The following NSUN7 variants were observed in gnomAD, a reference collection of about 807,000 sequenced individuals.
The protein encoded by NSUN7 is NOP2/Sun RNA methyltransferase family member 7, also known as protein NSUN7.
A neutral mutation model predicts 58.5 loss-of-function variants in NSUN7; 39 were observed. The ratio of observed to expected loss-of-function variants is 0.67; its 90% CI spans 0.52 to 0.87. NSUN7 has a LOEUF of 0.87. Among genes scored for constraint, NSUN7 ranks in the 40% least tolerant of loss-of-function variants. The pLI is 0.00. For missense variants in NSUN7, 765 were observed against 844.1 expected, an observed-to-expected ratio of 0.91 and a Z score of 1.16; for synonymous variants, 278 against 303.7, an observed-to-expected ratio of 0.92 and a Z score of 0.88.
intron 2 of NSUN7, among the ~76,000 whole-genome samples, chr4:40,755,657 C>T (rs1415017845): frequency 6.6e-6 from 1 of 152,070 alleles, no homozygotes; most frequent in Non-Finnish European, 1.5e-5. Context: ...ATAGCTTTTG[C>T]GAATTAGTAA....
intron 7 of NSUN7, among the ~76,000 whole-genome samples, chr4:40,782,096 G>A (rs1238138964): frequency 6.6e-6 from 1 of 152,052 alleles, no homozygotes; most frequent in African/African-American, 2.4e-5. Flanking sequence ...TAACAAATTA[G>A]TATATAGTAA....
At chr4:40,785,826 G>A (rs1323106483) in intron 7 of NSUN7, among the ~76,000 whole-genome samples, 2 of 152,244 alleles carry the variant, frequency 1.3e-5, no homozygotes, top group Admixed American at 6.5e-5. Flanking sequence ...TAGAGAAGAA[G>A]AAATAGTAAA....
intron 4 of NSUN7, among the ~76,000 whole-genome samples, chr4:40,764,058 A>AT (rs937089405): frequency 4.6e-5 from 7 of 151,134 alleles, no homozygotes; most frequent in African/African-American, 1.7e-4. Context: ...GTTTTTTTTA[A>AT]TTTTTTAATT....
At chr4:40,794,300 A>G in intron 8 of NSUN7, 75 bp from the exon 9 acceptor site, 1 of 678,392 alleles carries the variant, frequency 1.5e-6, no homozygotes, top group Admixed American at 3.3e-5. Flanking sequence ...ATGATTGAAA[A>G]ATTATATGAT....
At chr4:40,768,611 G>C (rs962654972) in intron 4 of NSUN7, among the ~76,000 whole-genome samples, 2 of 152,074 alleles carry the variant, frequency 1.3e-5, no homozygotes, top group Admixed American at 6.6e-5. Context: ...GGGAATCCTT[G>C]TGTTTTTTCA....
chr4:40,780,624 A>AT (rs1491469793), intron 7 of NSUN7, among the ~76,000 whole-genome samples: 1 of 151,414 alleles, frequency 6.6e-6, no homozygotes, highest in African/African-American at 2.4e-5. Flanking sequence ...GAAAAAAAAA[A>AT]GGAGAGAAAG....
In NSUN7 at chr4:40,750,760, A is replaced by G. The variant is rs769762488; in HGVS notation, c.67A>G (p.Thr23Ala). 4 of 1,613,860 alleles carry G rather than the reference A, an allele frequency of 2.5e-6. No individual in the cohort carries two copies. Among genetic ancestry groups the G allele is most frequent in the South Asian group, 1.1e-5 (1 of 91,064 alleles). ...AGATCCCGAGATCATCTCCCAACTC[A>G]CTTCCCTGCCTCTGTCCGGTGGGAA... is the stretch of plus-strand genomic sequence containing the variant. ...EEDPEIISQLTSLPLSGGKSS... is the reference protein window; with the variant it reads ...EEDPEIISQLASLPLSGGKSS... The change falls in exon 2 of 12, where the codon ACT (threonine) becomes GCT (alanine). Residue 23 changes from threonine to alanine, a missense_variant. Coordinates refer to ENST00000381782, the MANE Select transcript of NSUN7 (RefSeq NM_024677.6).
chr4:40,787,232 A>G, intron 7 of NSUN7, among the ~76,000 whole-genome samples: 1 of 152,056 alleles, frequency 6.6e-6, no homozygotes, highest in Non-Finnish European at 1.5e-5. Context: ...ACCTTTGTTC[A>G]TGTGTTTATC....
Position 40,757,486 on chromosome 4 carries a change from A to G in NSUN7, c.299-2948A>G, listed in dbSNP as rs566488316. ...CCATGGTAAGGCAAGGAGCATCTGT[A>G]TAAAGTATACAGTTATTCATGTTGA... On this transcript the variant is annotated intron_variant, in intron 2 of 11. Transcript: ENST00000381782. 2.7e-5 allele frequency among the ~76,000 whole-genome samples: 4 copies of G among 150,114 alleles called. No individual in the cohort carries two copies. The South Asian group carries it at 8.4e-4, about 31-fold the overall frequency.
Position 40,808,628 on chromosome 4 carries a change from C to A in NSUN7, c.1846C>A (p.Pro616Thr), listed in dbSNP as rs1401935111. ...CAAGCTGGCCCCCCATCCTGCAGTG[C>A]CTGCATTTGTGAAGAACACTTGTCC... ...PNKLAPHPAV[P>T]AFVKNTCPSR... The change falls in exon 12 of 12, where the codon CCT becomes ACT. Residue 616 changes from proline (P) to threonine (T), a missense_variant. By Grantham distance (38) the Pro-to-Thr change is conservative. Coordinates refer to ENST00000381782, the MANE Select transcript of NSUN7 (RefSeq NM_024677.6). 12 of 1,551,706 alleles carry A rather than the reference C, an allele frequency of 7.7e-6. No homozygotes were observed. The East Asian group carries it at 2.4e-4, about 32-fold the overall frequency.
intron 10 of NSUN7, among the ~76,000 whole-genome samples, chr4:40,800,644 A>C (rs1743540835): frequency 2.0e-5 from 3 of 152,142 alleles, no homozygotes. Flanking sequence ...CCGGCCCCTA[A>C]ACATTTTTGA....
chr4:40,776,671 A>G (rs560530908), intron 7 of NSUN7, among the ~76,000 whole-genome samples: 2 of 151,946 alleles, frequency 1.3e-5, no homozygotes, highest in South Asian at 4.1e-4. Flanking sequence ...GCTGGAGTGT[A>G]CTGATATGAT....
At chr4:40,784,864 AG>A (rs1387416360) in intron 7 of NSUN7, among the ~76,000 whole-genome samples, 6 of 152,208 alleles carry the variant, frequency 3.9e-5, no homozygotes, top group Admixed American at 6.5e-5. Flanking sequence ...CAAATTAGTA[AG>A]ATAAGTAAGG....
intron 7 of NSUN7, among the ~76,000 whole-genome samples, chr4:40,790,200 A>T (rs895731162): frequency 6.6e-6 from 1 of 151,840 alleles, no homozygotes; most frequent in African/African-American, 2.4e-5. Context: ...CTCAGTCTTC[A>T]CCACAGTTAT....
At chr4:40,783,011 A>G (rs1317197694) in intron 7 of NSUN7, among the ~76,000 whole-genome samples, 2 of 152,232 alleles carry the variant, frequency 1.3e-5, no homozygotes, top group African/African-American at 2.4e-5. Context: ...GCAGACATTG[A>G]CACACTGTTC....
chr4:40,750,473 C>G, intron 1 of NSUN7, 130 bp from the exon 2 acceptor site: 2 of 429,014 alleles, frequency 4.7e-6, no homozygotes, highest in Non-Finnish European at 4.2e-6. Context: ...GCGTCCCAGG[C>G]TCGAAGTCTG....
chr4:40,776,299 G>A (rs761211206), intron 7 of NSUN7, 40 bp downstream of exon 7: 25 of 1,387,074 alleles, frequency 1.8e-5, no homozygotes, highest in Non-Finnish European at 2.5e-5. Context: ...TTATTGTTCT[G>A]CAAGATTTTA....
At chr4:40,780,803 ATATATATATATTTT>A (rs1577566132) in intron 7 of NSUN7, among the ~76,000 whole-genome samples, 5 of 105,818 alleles carry the variant, frequency 4.7e-5, no homozygotes, top group East Asian at 4.6e-4. Context: ...ATATATATAT[ATATATATATATTTT>A]TTTTTTTTTT....
At chr4:40,778,094 A>G (rs1351378836) in intron 7 of NSUN7, among the ~76,000 whole-genome samples, 1 of 152,234 alleles carries the variant, frequency 6.6e-6, no homozygotes, top group Non-Finnish European at 1.5e-5. Context: ...AAATGAAGAT[A>G]CAATGAGTGA....
Sources: allele counts gnomAD v4.1 joint callset (sites outside exome capture counted in the v4.1 genomes callset), GRCh38; gene constraint gnomAD v4.1.1; transcripts MANE v1.5; gene names NCBI Gene and HGNC (gene_info 2026-07-23, HGNC 2026-07-21).